Variants in FHIP1A observed in about 807,000 individuals in gnomAD.
FHIP1A encodes the protein FHF complex subunit HOOK interacting protein 1A.
Under a neutral mutation model 88.6 loss-of-function variants are expected in FHIP1A, and 61 were observed. The observed-to-expected ratio is 0.69, with a 90% CI of 0.56 to 0.85. The LOEUF is 0.85. FHIP1A is among the 40% of genes least tolerant of loss of function. The pLI is 0.00. For synonymous variants in FHIP1A, 478 were observed against 496.0 expected, an observed-to-expected ratio of 0.96 and a Z score of 0.48; for missense variants, 1,154 against 1,273.5, an observed-to-expected ratio of 0.91 and a Z score of 1.43.
intron 2 of FHIP1A, among the ~76,000 whole-genome samples, chr4:151,476,196 C>T (rs2126626725): frequency 6.9e-6 from 1 of 144,302 alleles, no homozygotes; most frequent in African/African-American, 2.6e-5. Flanking sequence ...GGCTGGAGCG[C>T]AGTGGCAAGA....
At chr4:151,589,182 A>G (rs949772855) in intron 7 of FHIP1A, among the ~76,000 whole-genome samples, 3 of 152,050 alleles carry the variant, frequency 2.0e-5, no homozygotes, top group Admixed American at 6.6e-5. Context: ...TGGCAGATAG[A>G]CTCTGACTCT....
chr4:151,453,262 C>T lies in FHIP1A; in HGVS notation c.-355-1439C>T, dbSNP rs193173567. Among the ~76,000 whole-genome samples the T allele has an allele frequency of 9.9e-3, 1,506 of 152,186 alleles. 13 individuals are homozygous for T. The highest frequency in any genetic ancestry group is 0.015 in the Non-Finnish European group (1,001 of 68,002). On this transcript the variant is annotated intron_variant, in intron 1 of 13. Transcript: ENST00000435205. ...ATCTCCTGACCTCAAGTGATCCGCC[C>T]GCCTTGGCCTCCCAAAATGCTGGGA... is the stretch of plus-strand genomic sequence containing the variant.
intron 2 of FHIP1A, 121 bp from the exon 3 acceptor site, chr4:151,482,403 G>C (rs977761906): frequency 6.6e-6 from 1 of 152,022 alleles, no homozygotes; most frequent in Non-Finnish European, 1.5e-5. Context: ...GAAGACAAAT[G>C]CACACTGGGA....
intron 3 of FHIP1A, among the ~76,000 whole-genome samples, chr4:151,547,011 G>A (rs1272261866): frequency 3.3e-5 from 5 of 152,078 alleles, no homozygotes; most frequent in Non-Finnish European, 5.9e-5. Flanking sequence ...TCCTTAGTTT[G>A]AAAACTGCAT....
chr4:151,579,072 A>ATT (rs141396696), intron 5 of FHIP1A, among the ~76,000 whole-genome samples: 1 of 152,100 alleles, frequency 6.6e-6, no homozygotes, highest in Non-Finnish European at 1.5e-5. Flanking sequence ...TAAAAAGATC[A>ATT]TTTTTTTCCC....
At chr4:151,432,301 G>A (rs142624750) in intron 1 of FHIP1A, among the ~76,000 whole-genome samples, 1 of 152,200 alleles carries the variant, frequency 6.6e-6, no homozygotes, top group Non-Finnish European at 1.5e-5. Flanking sequence ...ATATTTACTT[G>A]GCACCTATGT....
chr4:151,498,289 A>G (rs1730532390), intron 3 of FHIP1A, among the ~76,000 whole-genome samples: 1 of 152,216 alleles, frequency 6.6e-6, no homozygotes, highest in Non-Finnish European at 1.5e-5. Context: ...GTATGAATTC[A>G]GGGACTACCT....
Position 151,662,546 on chromosome 4 carries a change from T to C in FHIP1A, c.2915T>C (p.Leu972Ser). 1.3e-6 allele frequency: 2 copies of C among 1,549,710 alleles called. No homozygotes were observed. The highest frequency in any genetic ancestry group is 2.4e-5 in the South Asian group (2 of 83,812). The change falls in exon 14 of 14, where the codon TTG becomes TCG. Residue 972 changes from leucine to serine, a missense_variant. Leu to Ser is a moderately radical substitution (Grantham distance 145, BLOSUM62 -2). Transcript: ENST00000435205. ...ASRTGSGKNL[L>S]DGPPRVLQPF... Reference sequence around the variant, plus strand: ...AGGACAGGAAGTGGCAAGAACCTTTTGGATGGACCTCCAAGAGTGCTTCAG... The same window carrying C: ...AGGACAGGAAGTGGCAAGAACCTTTCGGATGGACCTCCAAGAGTGCTTCAG...
At chr4:151,492,201 A>C (rs1211091588) in intron 3 of FHIP1A, among the ~76,000 whole-genome samples, 1 of 152,166 alleles carries the variant, frequency 6.6e-6, no homozygotes, top group African/African-American at 2.4e-5. Flanking sequence ...CAGAATATAC[A>C]TTCTTTTCAT....
intron 7 of FHIP1A, among the ~76,000 whole-genome samples, chr4:151,624,910 A>T (rs1735896250): frequency 6.6e-6 from 1 of 152,190 alleles, no homozygotes; most frequent in South Asian, 2.1e-4. Context: ...TGGCTGAAAC[A>T]GTAGAGCTGC....
chr4:151,510,950 T>A (rs149077527), intron 3 of FHIP1A, among the ~76,000 whole-genome samples: 5 of 152,328 alleles, frequency 3.3e-5, no homozygotes, highest in African/African-American at 1.2e-4. Flanking sequence ...CTAAGTTGAA[T>A]TTCAAGATGT....
chr4:151,427,699 A>G (rs1248114610), intron 1 of FHIP1A, among the ~76,000 whole-genome samples: 1 of 152,122 alleles, frequency 6.6e-6, no homozygotes, highest in Non-Finnish European at 1.5e-5. Context: ...TTCTTATTAC[A>G]TTGTCATGAC....
At position 151,548,868 on chromosome 4, in the gene FHIP1A, G is replaced by A. The variant is rs369243159; in HGVS notation, c.-122-17270G>A. 2.0e-5 allele frequency among the ~76,000 whole-genome samples: 3 copies of A among 152,174 alleles called. No individual in the cohort carries two copies. In the South Asian group the frequency reaches 6.2e-4, roughly 31 times the overall value. On this transcript the variant is annotated intron_variant, in intron 3 of 13. Transcript: ENST00000435205. The stretch of plus-strand genomic sequence containing the variant: ...CCGGTGCTGTAAAGAAATAGCACTC[G>A]AACATAAATTTAATTTTCTCAGCAA...
intron 3 of FHIP1A, among the ~76,000 whole-genome samples, chr4:151,546,948 TC>T (rs1409944334): frequency 6.6e-6 from 1 of 152,126 alleles, no homozygotes; most frequent in Non-Finnish European, 1.5e-5. Flanking sequence ...TTCTCCTTGG[TC>T]CCCACTTCAT....
At chr4:151,496,182 A>G (rs1283464934) in intron 3 of FHIP1A, among the ~76,000 whole-genome samples, 1 of 151,276 alleles carries the variant, frequency 6.6e-6, no homozygotes, top group Non-Finnish European at 1.5e-5. Flanking sequence ...TTTTTATTCT[A>G]GTAATTTAGA....
intron 4 of FHIP1A, among the ~76,000 whole-genome samples, chr4:151,569,501 G>A (rs971817604): frequency 6.6e-6 from 1 of 151,684 alleles, no homozygotes; most frequent in African/African-American, 2.4e-5. Flanking sequence ...GCAGTGAGCC[G>A]AAATTGCGCC....
In FHIP1A at chr4:151,413,052, G is replaced by A. The variant is rs74773794; in HGVS notation, c.-356+3587G>A. Among the ~76,000 whole-genome samples, 906 of 152,214 alleles carry A rather than the reference G, an allele frequency of 6.0e-3. 10 individuals carry two copies. Among genetic ancestry groups the A allele is most frequent in the African/African-American group, 0.02 (844 of 41,524 alleles). ...GGATGACAGGACTATATATGAATATGTACATATATGTGTATGTGTAAGTGT... is the reference window on the plus strand; with the variant it reads ...GGATGACAGGACTATATATGAATATATACATATATGTGTATGTGTAAGTGT... On this transcript the variant is annotated intron_variant, in intron 1 of 13. Transcript: ENST00000435205.
intron 3 of FHIP1A, among the ~76,000 whole-genome samples, chr4:151,563,355 A>T (rs1733248220): frequency 6.6e-6 from 1 of 152,136 alleles, no homozygotes; most frequent in Non-Finnish European, 1.5e-5. Context: ...GATAAAAAAA[A>T]AATCACTCCT....
At chr4:151,490,403 G>A (rs970537086) in intron 3 of FHIP1A, among the ~76,000 whole-genome samples, 27 of 152,120 alleles carry the variant, frequency 1.8e-4, no homozygotes. Context: ...ACCCAGAAAG[G>A]CAATAACAAT....
Sources: allele counts gnomAD v4.1 joint callset (sites outside exome capture counted in the v4.1 genomes callset), GRCh38; gene constraint gnomAD v4.1.1; transcripts MANE v1.5; gene names NCBI Gene and HGNC (gene_info 2026-07-23, HGNC 2026-07-21).